The following AIFM1 variants were observed in gnomAD, a reference collection of about 807,000 sequenced individuals.
The protein encoded by AIFM1 is apoptosis-inducing factor 1, mitochondrial.
In AIFM1, 3 loss-of-function variants were observed where a neutral mutation model predicts 51.7. That is an observed-to-expected ratio of 0.06 (90% CI 0.03 to 0.15). The LOEUF (loss-of-function observed/expected upper bound fraction) is 0.15. Among genes scored for constraint, AIFM1 ranks in the 10% least tolerant of loss-of-function variants. The pLI, the probability that AIFM1 is intolerant of heterozygous loss-of-function variation, is 1.00. For missense variants in AIFM1, 330 were observed against 476.8 expected (o/e 0.69, Z 2.87); for synonymous variants, 178 against 179.4 (o/e 0.99, Z 0.06).
Position 130,129,464 on chromosome X carries a change from A to T in AIFM1, c.*93T>A. On this transcript the variant is annotated 3_prime_UTR_variant, in exon 16 of 16. Coordinates refer to ENST00000287295, the MANE Select transcript of AIFM1 (RefSeq NM_004208.4). ...AGGACTTGATCATTCACACTCATAC[A>T]CAGAGAAAGTCTGCTGAATAAAAAA... 1.4e-6 allele frequency: 1 copy of T among 712,628 alleles called. No homozygotes were observed. Among genetic ancestry groups the T allele is most frequent in the Non-Finnish European group, 2.3e-6 (1 of 440,379 alleles). 58.7% of individuals were successfully genotyped at this position (712,628 alleles called of 1,213,427 possible). A position where few individuals can be genotyped will look rare whatever the true frequency, so the allele number is the denominator to read the frequency against.
chrX:130,143,823 G>C (rs936047916), intron 6 of AIFM1, among the ~76,000 whole-genome samples: 7 of 109,996 alleles, frequency 6.4e-5, no homozygotes, highest in African/African-American at 1.3e-4. Flanking sequence ...CTCCAGCCTG[G>C]GCGACAGAGT....
At chrX:130,133,594 A>G (rs994269014) in intron 12 of AIFM1, 139 bp from the exon 13 acceptor site, 4 of 809,705 alleles carry the variant, frequency 4.9e-6, no homozygotes, top group Non-Finnish European at 7.1e-6. Flanking sequence ...CCAGAGTTGT[A>G]CTTAAACTAA....
intron 1 of AIFM1, among the ~76,000 whole-genome samples, chrX:130,158,283 A>T (rs1285442526): frequency 8.9e-6 from 1 of 111,821 alleles, no homozygotes; most frequent in Non-Finnish European, 1.9e-5. Context: ...AAAAAGAGAA[A>T]AAGAAAAAAG....
At chrX:130,145,433 G>T in intron 6 of AIFM1, 46 bp downstream of exon 6, 1 of 983,705 alleles carries the variant, frequency 1.0e-6, no homozygotes, top group Non-Finnish European at 1.5e-6. Context: ...ACTGGCTGGT[G>T]GGCAAGTACG....
Position 130,140,486 on chromosome X carries a change from T to C in AIFM1, c.781+47A>G, listed in dbSNP as rs2030536935. 3 of 1,079,081 alleles carry C rather than the reference T, an allele frequency of 2.8e-6. No individual in the cohort carries two copies. The East Asian group carries it at 9.0e-5, about 32-fold the overall frequency. The allele number at this position is 1,079,081 out of a possible 1,213,427, so 88.9% of individuals were successfully genotyped here. A position where few individuals can be genotyped will look rare whatever the true frequency, so the allele number is the denominator to read the frequency against. On this transcript the variant is annotated intron_variant, in intron 7 of 15. Coordinates refer to ENST00000287295, the MANE Select transcript of AIFM1 (RefSeq NM_004208.4). ...CATAGAGAAGGCTGGACTCTAAAAC[T>C]TGAATGAGCTGTATCAGGGAAGAAA...
intron 1 of AIFM1, among the ~76,000 whole-genome samples, chrX:130,164,881 A>G (rs2031478497): frequency 9.0e-6 from 1 of 111,188 alleles, no homozygotes; most frequent in Non-Finnish European, 1.9e-5. Context: ...GACCTTTACC[A>G]CAAAATCCCT....
In AIFM1 at chrX:130,133,580, C is replaced by T. The variant is rs765710583; in HGVS notation, c.1306-125G>A. On this transcript the variant is annotated intron_variant, in intron 12 of 15. Coordinates refer to ENST00000287295, the MANE Select transcript of AIFM1 (RefSeq NM_004208.4). ...GTAACTAATTCATGTTTTCCATCTA[C>T]AGGCCAGAGTTGTACTTAAACTAAC... 9 of 908,252 alleles carry T rather than the reference C, an allele frequency of 9.9e-6. No individual in the cohort carries two copies. In the African/African-American group the frequency reaches 1.4e-4, roughly 14 times the overall value. The allele number at this position is 908,252 out of a possible 1,213,427, so 74.9% of individuals were successfully genotyped here.
chrX:130,164,702 A>C (rs891198982), intron 1 of AIFM1, among the ~76,000 whole-genome samples: 7 of 111,855 alleles, frequency 6.3e-5, no homozygotes, highest in African/African-American at 2.0e-4. Context: ...ATTCATTCTT[A>C]ACTTTTTGAG....
At chrX:130,132,742 C>G (rs183651552) in intron 13 of AIFM1, among the ~76,000 whole-genome samples, 3 of 69,856 alleles carry the variant, frequency 4.3e-5, no homozygotes, top group African/African-American at 1.9e-4. Flanking sequence ...TCTGACACTC[C>G]TTTTTTTTTT....
Position 130,165,680 on chromosome X carries a change from T to G in AIFM1, c.-24A>C. On this transcript the variant is annotated 5_prime_UTR_variant, in exon 1 of 16. Coordinates refer to ENST00000287295, the MANE Select transcript of AIFM1 (RefSeq NM_004208.4). ...ATTTCGGCGACCGCTATTCGGGACC[T>G]CCTCCTTCCCTTTCCTCTCACGCAC... 1 of 1,145,237 alleles carries G rather than the reference T, an allele frequency of 8.7e-7. No individual in the cohort carries two copies. Among genetic ancestry groups the G allele is most frequent in the Non-Finnish European group, 1.2e-6 (1 of 847,084 alleles). The allele number at this position is 1,145,237 out of a possible 1,213,427, so 94.4% of individuals were successfully genotyped here. A position where few individuals can be genotyped will look rare whatever the true frequency, so the allele number is the denominator to read the frequency against.
chrX:130,129,813 A>T (rs1270095264), intron 15 of AIFM1, among the ~76,000 whole-genome samples, 157 bp downstream of exon 15: 1 of 111,933 alleles, frequency 8.9e-6, no homozygotes, highest in Non-Finnish European at 1.9e-5. Context: ...TCCCAAGTGA[A>T]AAAGAATGTT....
intron 3 of AIFM1, 117 bp downstream of exon 3, chrX:130,149,352 T>G: frequency 1.5e-5 from 9 of 616,678 alleles, no homozygotes; most frequent in Non-Finnish European, 2.5e-5. Flanking sequence ...TTCTAGATGC[T>G]TGCAATCTCA....
intron 9 of AIFM1, among the ~76,000 whole-genome samples, chrX:130,138,315 A>G (rs2030443025): frequency 9.1e-6 from 1 of 110,369 alleles, no homozygotes; most frequent in Non-Finnish European, 1.9e-5. Context: ...AATACAAAAA[A>G]TTAGCCAGGC....
intron 2 of AIFM1, among the ~76,000 whole-genome samples, chrX:130,156,038 G>T (rs142863887): frequency 6.3e-5 from 7 of 111,523 alleles, no homozygotes; most frequent in Admixed American, 1.9e-4. Context: ...GAAGGCTGTT[G>T]TTTTTTTAAT....
At chrX:130,142,360 G>T in intron 6 of AIFM1, among the ~76,000 whole-genome samples, 1 of 110,813 alleles carries the variant, frequency 9.0e-6, no homozygotes, top group Admixed American at 9.6e-5. Flanking sequence ...ATCCAATCCC[G>T]CTACTCAACC....
In AIFM1 at chrX:130,165,536, G is replaced by C. The variant is rs199863662; in HGVS notation, c.106+15C>G. 137 of 1,174,370 alleles carry C rather than the reference G, an allele frequency of 1.2e-4. No individual in the cohort carries two copies. The African/African-American group carries it at 1.9e-3, about 17-fold the overall frequency. On this transcript the variant is annotated intron_variant, in intron 1 of 15. Coordinates refer to ENST00000287295, the MANE Select transcript of AIFM1 (RefSeq NM_004208.4). ...GGCCCTCGGACTTGGAGGTTGCCTGGAATGGGTCAGTCACCTGGGAGCCGG... is the reference window on the plus strand; with the variant it reads ...GGCCCTCGGACTTGGAGGTTGCCTGCAATGGGTCAGTCACCTGGGAGCCGG...
chrX:130,140,826 G>A (rs2030549418), intron 6 of AIFM1, among the ~76,000 whole-genome samples: 1 of 112,488 alleles, frequency 8.9e-6, no homozygotes, highest in Admixed American at 9.4e-5. Context: ...ATAAGAAGTT[G>A]TCAGCCCAGG....
rs900607554 is a variant in AIFM1, at chrX:130,137,790, C to T, written c.968-605G>A. 9.0e-5 allele frequency: 87 copies of T among 964,857 alleles called. No individual in the cohort carries two copies. In the African/African-American group the frequency reaches 1.6e-3, roughly 18 times the overall value. 79.5% of individuals were successfully genotyped at this position (964,857 alleles called of 1,213,427 possible). On this transcript the variant is annotated intron_variant, in intron 9 of 15. Coordinates refer to ENST00000287295, the MANE Select transcript of AIFM1 (RefSeq NM_004208.4). ...AGAAAGTATTGCTGTTGGCCAGGTG[C>T]AGTGACTCACACCTATAATCCCAGC... is the stretch of plus-strand genomic sequence containing the variant.
Position 130,139,806 on chromosome X carries a change from G to C in AIFM1, c.847C>G (p.Leu283Val). ...AGAEVKSRTTLFRKIGDFRSL... is the reference protein window; with the variant it reads ...AGAEVKSRTTVFRKIGDFRSL... The stretch of plus-strand genomic sequence containing the variant: ...AAGCAGACAATTACCTTTCTGAAAA[G>C]CGTTGTTCTACTCTTCACCTCTGCT... The change falls in exon 8 of 16, where the codon CTT (leucine) becomes GTT (valine). Residue 283 changes from leucine to valine, a missense_variant. Physicochemically the swap from Leu to Val is conservative, Grantham distance 32 (BLOSUM62 1). This residue lies in a region of AIFM1 where 152 missense variants were observed against 292.8 expected (regional missense o/e 0.52). Transcript: ENST00000287295. The C allele has an allele frequency of 4.1e-6, 5 of 1,209,750 alleles. No homozygotes were observed. The highest frequency in any genetic ancestry group is 5.6e-6 in the Non-Finnish European group (5 of 893,835).
Sources: allele counts gnomAD v4.1 joint callset (sites outside exome capture counted in the v4.1 genomes callset), GRCh38; gene constraint gnomAD v4.1.1; regional missense constraint gnomAD v4.1.1; transcripts MANE v1.5; gene names NCBI Gene and HGNC (gene_info 2026-07-23, HGNC 2026-07-21).